The following GRM7 variants were observed in gnomAD, a reference collection of about 807,000 sequenced individuals.
GRM7 encodes metabotropic glutamate receptor 7.
Under a neutral mutation model 84.5 loss-of-function variants are expected in GRM7, and 35 were observed. The observed-to-expected ratio is 0.41, with a 90% CI of 0.32 to 0.55. The LOEUF (loss-of-function observed/expected upper bound fraction) is 0.55, where lower values mean the gene tolerates loss of function less well. Among genes scored for constraint, GRM7 ranks in the 20% least tolerant of loss-of-function variants. GRM7 has a pLI of 0.19. For synonymous variants in GRM7, 487 were observed against 455.1 expected (o/e 1.07, Z -0.89); for missense variants, 1,003 against 1,194.6 (o/e 0.84, Z 2.36).
At position 7,581,961 on chromosome 3, in the gene GRM7, A is replaced by C. The variant is rs149855988; in HGVS notation, c.2451+2604A>C. 1.9e-3 allele frequency among the ~76,000 whole-genome samples: 292 copies of C among 152,166 alleles called. 2 individuals are homozygous for C. Among genetic ancestry groups the C allele is most frequent in the East Asian group, 8.9e-3 (46 of 5,172 alleles). On this transcript the variant is annotated intron_variant, in intron 8 of 9. Coordinates refer to ENST00000357716, the MANE Select transcript of GRM7 (RefSeq NM_000844.4). ...ATCTTGTTTTATCATTGTTAATCCC[A>C]TGACTTCTAGAATGAGCATCTTGCC... is the stretch of plus-strand genomic sequence containing the variant.
intron 4 of GRM7, among the ~76,000 whole-genome samples, chr3:7,351,411 A>G (rs1275446881): frequency 6.6e-6 from 1 of 151,130 alleles, no homozygotes; most frequent in African/African-American, 2.4e-5. Flanking sequence ...TTGTAAAACT[A>G]TCATCTTCAT....
intron 1 of GRM7, among the ~76,000 whole-genome samples, chr3:7,054,905 A>G (rs1697156738): frequency 6.6e-6 from 1 of 152,026 alleles, no homozygotes; most frequent in Non-Finnish European, 1.5e-5. Context: ...CACTTGTGGT[A>G]TGTTCTAGAA....
At chr3:7,626,714 C>A (rs1697631612) in intron 8 of GRM7, among the ~76,000 whole-genome samples, 1 of 152,120 alleles carries the variant, frequency 6.6e-6, no homozygotes, top group South Asian at 2.1e-4. Context: ...TAGAGACCCA[C>A]CCTAATCATC....
At chr3:7,155,926 A>G (rs1694434430) in intron 2 of GRM7, among the ~76,000 whole-genome samples, 1 of 152,230 alleles carries the variant, frequency 6.6e-6, no homozygotes, top group East Asian at 1.9e-4. Flanking sequence ...TCTTTTGCCT[A>G]GATGACTTAA....
rs34321853 is a variant in GRM7, at chr3:7,078,853, G to GTT, written c.520-67588_520-67587dup. 5.2e-3 allele frequency among the ~76,000 whole-genome samples: 738 copies of GTT among 142,996 alleles called. 7 individuals are homozygous for GTT. The highest frequency in any genetic ancestry group is 0.016 in the African/African-American group (631 of 39,484). The allele number at this position is 142,996 out of a possible 152,430, so 93.8% of individuals were successfully genotyped here. A position where few individuals can be genotyped will look rare whatever the true frequency, so the allele number is the denominator to read the frequency against. ...TGAGTCCTTTTGGAACTCTGAGTTT[G>GTT]TTTTTTTTTTTTCATTTCTTTGCTG... On this transcript the variant is annotated intron_variant, in intron 1 of 9. Transcript: ENST00000357716.
intron 1 of GRM7, among the ~76,000 whole-genome samples, chr3:6,901,639 A>G (rs1192330023): frequency 1.6e-5 from 2 of 122,752 alleles, no homozygotes; most frequent in Admixed American, 8.1e-5. Context: ...AAAAAAAAAT[A>G]TGTAGAATAA....
chr3:7,286,605 A>G (rs1699439232), intron 2 of GRM7, among the ~76,000 whole-genome samples: 1 of 152,024 alleles, frequency 6.6e-6, no homozygotes, highest in Non-Finnish European at 1.5e-5. Context: ...ATCCTCCCTT[A>G]TTCTTTCTTT....
intron 7 of GRM7, among the ~76,000 whole-genome samples, chr3:7,532,875 T>TAAA (rs200116512): frequency 1.2e-5 from 1 of 86,494 alleles, no homozygotes; most frequent in African/African-American, 3.9e-5. Context: ...CCAACAAAGA[T>TAAA]AAAAAAAAAA....
At position 7,190,902 on chromosome 3, in the gene GRM7, C is replaced by G. The variant is rs1005333781; in HGVS notation, c.736+44234C>G. ...GTATGAGAAATCCATTTTCCAGCAT[C>G]TAAAACCATTTCCCACAGTACTACT... is the stretch of plus-strand genomic sequence containing the variant. On this transcript the variant is annotated intron_variant, in intron 2 of 9. Transcript: ENST00000357716. 2.0e-5 allele frequency among the ~76,000 whole-genome samples: 3 copies of G among 152,064 alleles called. No homozygotes were observed. In the East Asian group the frequency reaches 5.8e-4, roughly 29 times the overall value.
rs76443314 is a variant in GRM7, at chr3:7,179,656, C to T, written c.736+32988C>T. 1.4e-4 allele frequency among the ~76,000 whole-genome samples: 22 copies of T among 152,248 alleles called. 1 individual carries two copies. The East Asian group carries it at 4.3e-3, about 29-fold the overall frequency. ...GTTGACCTCTCCTGCCCTACAGACA[C>T]CTTGTAACTTGCCTCCTACTTGATT... is the stretch of plus-strand genomic sequence containing the variant. On this transcript the variant is annotated intron_variant, in intron 2 of 9. Transcript: ENST00000357716.
chr3:7,377,100 C>T (rs914574586), intron 4 of GRM7, among the ~76,000 whole-genome samples: 2 of 152,212 alleles, frequency 1.3e-5, no homozygotes, highest in African/African-American at 4.8e-5. Flanking sequence ...GATGCACTAA[C>T]TACTTATTTT....
chr3:7,081,960 A>G (rs1460910209), intron 1 of GRM7, among the ~76,000 whole-genome samples: 1 of 152,130 alleles, frequency 6.6e-6, no homozygotes. Flanking sequence ...GTTGGTTCCT[A>G]AAGTTTAAGA....
At chr3:7,063,008 C>T (rs1697486365) in intron 1 of GRM7, among the ~76,000 whole-genome samples, 1 of 151,626 alleles carries the variant, frequency 6.6e-6, no homozygotes, top group African/African-American at 2.4e-5. Context: ...TGGTAGAAAC[C>T]AGAAAGTCAT....
In GRM7 at chr3:7,346,818, T is replaced by C. The variant is rs1019464023; in HGVS notation, c.1033+40166T>C. Among the ~76,000 whole-genome samples, 84 of 152,146 alleles carry C rather than the reference T, an allele frequency of 5.5e-4. 1 individual carries two copies. The highest frequency in any genetic ancestry group is 5.3e-3 in the Admixed American group (81 of 15,262). Reference sequence around the variant, plus strand: ...ACCCATTAGATCTATTCTGATCCTTTATGATAAGATGAGAATTCTGAGTGA... The same window carrying C: ...ACCCATTAGATCTATTCTGATCCTTCATGATAAGATGAGAATTCTGAGTGA... On this transcript the variant is annotated intron_variant, in intron 4 of 9. Coordinates refer to ENST00000357716, the MANE Select transcript of GRM7 (RefSeq NM_000844.4).
At chr3:7,668,353 C>T (rs973555413) in intron 8 of GRM7, among the ~76,000 whole-genome samples, 1 of 152,180 alleles carries the variant, frequency 6.6e-6, no homozygotes, top group Non-Finnish European at 1.5e-5. Flanking sequence ...CCAATTAAGT[C>T]CCCTCTATTT....
intron 2 of GRM7, among the ~76,000 whole-genome samples, chr3:7,191,364 T>G (rs1260995420): frequency 6.6e-6 from 1 of 152,026 alleles, no homozygotes; most frequent in Admixed American, 6.6e-5. Flanking sequence ...GCTCAATAAC[T>G]ATTTGTTAAT....
rs118005820 is a variant in GRM7, at chr3:7,036,564, G to A, written c.520-109888G>A. Among the ~76,000 whole-genome samples the A allele has an allele frequency of 2.0e-5, 3 of 152,184 alleles. No homozygotes were observed. In the East Asian group the frequency reaches 5.8e-4, roughly 29 times the overall value. ...AGGGGAGGAGAAATGATGGGGTATAGTCCAACTATAATTCAATGAAGAGCT... is the reference window on the plus strand; with the variant it reads ...AGGGGAGGAGAAATGATGGGGTATAATCCAACTATAATTCAATGAAGAGCT... On this transcript the variant is annotated intron_variant, in intron 1 of 9. Transcript: ENST00000357716.
intron 2 of GRM7, among the ~76,000 whole-genome samples, chr3:7,259,992 G>A (rs1698358885): frequency 8.6e-6 from 1 of 116,920 alleles, no homozygotes; most frequent in Non-Finnish European, 1.6e-5. Context: ...CCATCTGGGT[G>A]GGTGTGAGAT....
At chr3:6,864,117 A>G (rs1216538564) in intron 1 of GRM7, among the ~76,000 whole-genome samples, 1 of 152,228 alleles carries the variant, frequency 6.6e-6, no homozygotes, top group Non-Finnish European at 1.5e-5. Flanking sequence ...AACCATTCAG[A>G]GAAAACACTG....
Sources: gnomAD v4.1 joint callset for allele counts (sites outside exome capture counted in the v4.1 genomes callset) on GRCh38, gnomAD v4.1.1 for gene constraint, MANE v1.5 for transcripts, NCBI Gene and HGNC (gene_info 2026-07-23, HGNC 2026-07-21) for gene names.